Variants in UFL1 observed in about 807,000 individuals in gnomAD.
The protein encoded by UFL1 is UFM1 specific ligase 1.
UFL1 carries 78 observed loss-of-function variants against 99.3 expected under a neutral mutation model. The ratio of observed to expected loss-of-function variants is 0.79; its 90% CI spans 0.65 to 0.95. UFL1 has a LOEUF of 0.95. Among genes scored for constraint, UFL1 ranks in the 40% least tolerant of loss-of-function variants. UFL1 has a pLI of 0.00. For missense variants in UFL1, 936 were observed against 937.0 expected, an observed-to-expected ratio of 1.00 and a Z score of 0.01; for synonymous variants, 335 against 322.2, an observed-to-expected ratio of 1.04 and a Z score of -0.42.
At chr6:96,537,579 TA>T (rs752996018) in intron 9 of UFL1, 30 bp downstream of exon 9, 15 of 1,523,454 alleles carry the variant, frequency 9.8e-6, no homozygotes, top group Admixed American at 2.3e-5. Flanking sequence ...CACTTTTCTT[TA>T]AACAGTGACA....
At chr6:96,530,990 T>C (rs1769774691) in intron 6 of UFL1, among the ~76,000 whole-genome samples, 1 of 152,242 alleles carries the variant, frequency 6.6e-6, no homozygotes, top group Non-Finnish European at 1.5e-5. Flanking sequence ...CCAGCATTAC[T>C]GCCTGAGCTG....
intron 10 of UFL1, among the ~76,000 whole-genome samples, chr6:96,539,182 T>C (rs1769896064): frequency 6.6e-6 from 1 of 151,674 alleles, no homozygotes; most frequent in African/African-American, 2.4e-5. Context: ...TTACTCAATC[T>C]AGCAGAGCCT....
At chr6:96,553,020 T>G (rs1347067484) in intron 18 of UFL1, among the ~76,000 whole-genome samples, 1 of 152,094 alleles carries the variant, frequency 6.6e-6, no homozygotes, top group Non-Finnish European at 1.5e-5. Context: ...CCTATCCCTT[T>G]GACTGTATCT....
rs548428928 is a variant in UFL1, at chr6:96,528,583, G to A, written c.547G>A (p.Val183Ile). The A allele has an allele frequency of 2.5e-6, 4 of 1,613,858 alleles. No homozygotes were observed. In the East Asian group the frequency reaches 6.7e-5, roughly 27 times the overall value. ...NRGVIFTEAFVARHKARIRGL... is the reference protein window; with the variant it reads ...NRGVIFTEAFIARHKARIRGL... ...AGGAGTAATTTTTACGGAAGCTTTT[G>A]TAGCTCGACATAAAGCACGTATCCG... The change falls in exon 6 of 19, where the codon GTA becomes ATA. Residue 183 changes from valine to isoleucine, a missense_variant. Physicochemically the swap from Val to Ile is conservative, Grantham distance 29. Transcript: ENST00000369278.
At chr6:96,547,491 T>C (rs186151947) in intron 12 of UFL1, among the ~76,000 whole-genome samples, 1 of 151,718 alleles carries the variant, frequency 6.6e-6, no homozygotes, top group African/African-American at 2.4e-5. Flanking sequence ...GGAAATGAAA[T>C]TATTATATTG....
At chr6:96,552,781 T>G in intron 18 of UFL1, 119 bp downstream of exon 18, 2 of 912,770 alleles carry the variant, frequency 2.2e-6, no homozygotes, top group Non-Finnish European at 3.1e-6. Context: ...CAAAGCCCAT[T>G]TCCAATAATG....
chr6:96,523,913 A>G (rs926365761), intron 2 of UFL1, among the ~76,000 whole-genome samples: 4 of 152,006 alleles, frequency 2.6e-5, no homozygotes, highest in African/African-American at 9.7e-5. Flanking sequence ...GTCTTTTTTT[A>G]TTTATCTATT....
Position 96,549,744 on chromosome 6 carries a change from T to C in UFL1, c.1763T>C (p.Phe588Ser). 1 of 1,612,172 alleles carries C rather than the reference T, an allele frequency of 6.2e-7. No individual in the cohort carries two copies. Among genetic ancestry groups the C allele is most frequent in the Non-Finnish European group, 8.5e-7 (1 of 1,178,708 alleles). The change falls in exon 15 of 19, where the codon TTC becomes TCC. Residue 588 changes from phenylalanine to serine, a missense_variant. Physicochemically the swap from Phe to Ser is radical, Grantham distance 155. Coordinates refer to ENST00000369278, the MANE Select transcript of UFL1 (RefSeq NM_015323.5). Reference protein sequence around the residue: ...CTDITNLIFNFLASDLMMAVD... With the variant: ...CTDITNLIFNSLASDLMMAVD... ...GATATCACTAACCTCATTTTCAACT[T>C]CTTAGCTTCGGATTTAATGATGGCA... is the stretch of plus-strand genomic sequence containing the variant.
At chr6:96,543,066 C>A in intron 12 of UFL1, 50 bp downstream of exon 12, 3 of 1,537,818 alleles carry the variant, frequency 2.0e-6, no homozygotes, top group African/African-American at 1.4e-5. Flanking sequence ...ATATTTGTAA[C>A]ATATTTTCTT....
chr6:96,544,017 G>T (rs960531759), intron 12 of UFL1, among the ~76,000 whole-genome samples: 6 of 150,946 alleles, frequency 4.0e-5, no homozygotes, highest in Non-Finnish European at 5.9e-5. Flanking sequence ...CAGAACAATT[G>T]TAATTTTTCC....
chr6:96,550,906 T>C (rs1235835672), intron 15 of UFL1, among the ~76,000 whole-genome samples: 1 of 151,916 alleles, frequency 6.6e-6, no homozygotes, highest in African/African-American at 2.4e-5. Flanking sequence ...GCAAGTCTGC[T>C]CCAAAATTTT....
chr6:96,548,995 C>T (rs1770038952), intron 13 of UFL1, among the ~76,000 whole-genome samples: 1 of 151,450 alleles, frequency 6.6e-6, no homozygotes, highest in East Asian at 1.9e-4. Context: ...GAAATAGTTA[C>T]TACTAATCAT....
At chr6:96,537,259 TAAG>T in intron 8 of UFL1, 112 bp from the exon 9 acceptor site, 1 of 805,510 alleles carries the variant, frequency 1.2e-6, no homozygotes, top group Non-Finnish European at 1.8e-6. Context: ...TTAGAGGAGT[TAAG>T]AAGGTAGACA....
Position 96,542,873 on chromosome 6 carries a change from C to T in UFL1, c.1280-21C>T, listed in dbSNP as rs767805464. ...TGATGATTTAGTTAGGTAATGCTAA[C>T]TAATGTCATTTTCCCACCAGAGGGC... On this transcript the variant is annotated intron_variant, in intron 11 of 18. Transcript: ENST00000369278. 7 of 1,549,422 alleles carry T rather than the reference C, an allele frequency of 4.5e-6. 1 individual carries two copies. In the East Asian group the frequency reaches 1.7e-4, roughly 37 times the overall value.
chr6:96,529,771 A>G (rs1225287931), intron 6 of UFL1, among the ~76,000 whole-genome samples: 1 of 152,188 alleles, frequency 6.6e-6, no homozygotes, highest in Non-Finnish European at 1.5e-5. Context: ...CAAATCAACA[A>G]GCATTTGTTG....
chr6:96,525,195 C>T (rs1259355998), intron 3 of UFL1, 102 bp from the exon 4 acceptor site: 17 of 897,934 alleles, frequency 1.9e-5, no homozygotes, highest in Non-Finnish European at 2.7e-5. Flanking sequence ...AGCCACCATG[C>T]CTGGCCGGCA....
At chr6:96,546,829 C>T (rs1476710255) in intron 12 of UFL1, among the ~76,000 whole-genome samples, 1 of 151,252 alleles carries the variant, frequency 6.6e-6, no homozygotes, top group African/African-American at 2.4e-5. Context: ...TCGTCATACA[C>T]AAAAATCAAC....
At chr6:96,549,257 C>A (rs1279362133) in intron 13 of UFL1, among the ~76,000 whole-genome samples, 155 bp from the exon 14 acceptor site, 1 of 151,552 alleles carries the variant, frequency 6.6e-6, no homozygotes, top group African/African-American at 2.4e-5. Flanking sequence ...GGTTGTGGAA[C>A]AAATTGTTAG....
chr6:96,533,230 A>G (rs1769806608), intron 6 of UFL1, among the ~76,000 whole-genome samples: 1 of 152,122 alleles, frequency 6.6e-6, no homozygotes, highest in African/African-American at 2.4e-5. Context: ...TATAGTTATT[A>G]CAAATGAGAT....
Sources: allele counts gnomAD v4.1 joint callset (sites outside exome capture counted in the v4.1 genomes callset), GRCh38; gene constraint gnomAD v4.1.1; transcripts MANE v1.5; gene names NCBI Gene and HGNC (gene_info 2026-07-23, HGNC 2026-07-21).